The following ENAH variants were observed in gnomAD, a reference collection of about 807,000 sequenced individuals.
ENAH encodes ENAH actin regulator.
A neutral mutation model predicts 78.7 loss-of-function variants in ENAH; 23 were observed. That is an observed-to-expected ratio of 0.29 (90% confidence interval 0.21 to 0.41). The LOEUF (loss-of-function observed/expected upper bound fraction) is 0.41. ENAH is among the 10% of genes least tolerant of loss of function. ENAH has a pLI of 1.00. For synonymous variants in ENAH, 226 were observed against 241.0 expected, an observed-to-expected ratio of 0.94 and a Z score of 0.58; for missense variants, 544 against 691.0, an observed-to-expected ratio of 0.79 and a Z score of 2.39.
intron 3 of ENAH, among the ~76,000 whole-genome samples, chr1:225,552,811 T>C (rs1185764062): frequency 5.3e-5 from 8 of 152,206 alleles, no homozygotes. Flanking sequence ...GCTTGTAAAA[T>C]GATGGCCGAT....
chr1:225,543,035 G>A (rs1048302226), intron 3 of ENAH, among the ~76,000 whole-genome samples: 29 of 149,082 alleles, frequency 1.9e-4, no homozygotes, highest in Admixed American at 1.6e-3. Context: ...AAAAAAAAAA[G>A]TTCTGTACTT....
At position 225,487,279 on chromosome 1, in the gene ENAH, CTT is replaced by C. The variant is rs1032923067; in HGVS notation, c.*10494_*10495del. The C allele has an allele frequency of 1.3e-5, 2 of 152,224 alleles. No homozygotes were observed. The highest frequency in any genetic ancestry group is 4.8e-5 in the African/African-American group (2 of 41,452). The allele number at this position is 152,224 out of a possible 1,614,324, so 9.4% of individuals were successfully genotyped here. On this transcript the variant is annotated 3_prime_UTR_variant, in exon 14 of 14. Coordinates refer to ENST00000366843, the MANE Select transcript of ENAH (RefSeq NM_018212.6). ...CCTTTTTATTTATTCCTATATGAAA[CTT>C]TGGTCCAAAAATCAGGTGCAGTCTG...
At chr1:225,541,654 AT>A (rs1256871874) in intron 3 of ENAH, among the ~76,000 whole-genome samples, 1 of 152,130 alleles carries the variant, frequency 6.6e-6, no homozygotes, top group East Asian at 1.9e-4. Flanking sequence ...AAATATCCCA[AT>A]GCCTACTGCT....
intron 6 of ENAH, chr1:225,515,155 AC>A (rs1025960739): frequency 1.6e-5 from 7 of 429,542 alleles, no homozygotes; most frequent in Admixed American, 4.4e-5. Context: ...TCTAATTAAG[AC>A]TTTTTTTTTT....
At chr1:225,615,029 C>T (rs2097017228) in intron 1 of ENAH, among the ~76,000 whole-genome samples, 2 of 138,822 alleles carry the variant, frequency 1.4e-5, no homozygotes, top group African/African-American at 2.9e-5. Flanking sequence ...CTCTGATGCC[C>T]TCTCCCCGGT....
chr1:225,517,505 G>A, intron 5 of ENAH, 199 bp from the exon 6 acceptor site: 1 of 1,551,726 alleles, frequency 6.4e-7, no homozygotes, highest in Non-Finnish European at 8.7e-7. Context: ...AGCCCATTGG[G>A]TGCTGTCGGT....
chr1:225,628,773 G>GGTGCAT (rs1459762279), intron 1 of ENAH, among the ~76,000 whole-genome samples: 1 of 151,856 alleles, frequency 6.6e-6, no homozygotes, highest in Non-Finnish European at 1.5e-5. Flanking sequence ...CGGGCGTGGT[G>GGTGCAT]GTGCATGCCT....
At chr1:225,585,585 C>T (rs1231810159) in intron 1 of ENAH, among the ~76,000 whole-genome samples, 5 of 151,884 alleles carry the variant, frequency 3.3e-5, no homozygotes, top group East Asian at 3.9e-4. Flanking sequence ...GTCGGGAGTT[C>T]GAGACCAACC....
intron 1 of ENAH, among the ~76,000 whole-genome samples, chr1:225,637,896 C>A (rs1660347659): frequency 6.6e-6 from 1 of 152,096 alleles, no homozygotes; most frequent in Admixed American, 6.5e-5. Context: ...GCATTTCAGC[C>A]TGTGTAACAG....
chr1:225,640,134 T>A (rs2148437286), intron 1 of ENAH, among the ~76,000 whole-genome samples: 1 of 152,310 alleles, frequency 6.6e-6, no homozygotes, highest in African/African-American at 2.4e-5. Flanking sequence ...AAAAGGACTG[T>A]CTTTATGATC....
At chr1:225,531,747 T>G (rs1324831164) in intron 3 of ENAH, among the ~76,000 whole-genome samples, 1 of 152,112 alleles carries the variant, frequency 6.6e-6, no homozygotes, top group African/African-American at 2.4e-5. Flanking sequence ...CAAAGTATTT[T>G]ATACTAGTGG....
intron 3 of ENAH, among the ~76,000 whole-genome samples, chr1:225,543,047 A>C (rs1018799300): frequency 2.6e-5 from 4 of 151,836 alleles, no homozygotes; most frequent in African/African-American, 9.7e-5. Flanking sequence ...TCTGTACTTT[A>C]TTCTAAGATT....
At chr1:225,579,425 T>A (rs2096803632) in intron 1 of ENAH, among the ~76,000 whole-genome samples, 1 of 152,250 alleles carries the variant, frequency 6.6e-6, no homozygotes, top group Non-Finnish European at 1.5e-5. Flanking sequence ...AACAAAAACA[T>A]GTCTAGAATA....
chr1:225,553,338 T>C (rs1016389995), intron 3 of ENAH, among the ~76,000 whole-genome samples: 6 of 152,054 alleles, frequency 3.9e-5, no homozygotes, highest in African/African-American at 7.2e-5. Flanking sequence ...CAAAAGTCAA[T>C]GACAAGAGGA....
At chr1:225,504,876 TAAAG>T in intron 11 of ENAH, 3 of 612,398 alleles carry the variant, frequency 4.9e-6, no homozygotes, top group Non-Finnish European at 8.1e-6. Flanking sequence ...GTATTCAAAA[TAAAG>T]AAAAAAAAAT....
At chr1:225,549,021 T>C (rs1481637408) in intron 3 of ENAH, among the ~76,000 whole-genome samples, 1 of 151,994 alleles carries the variant, frequency 6.6e-6, no homozygotes, top group African/African-American at 2.4e-5. Flanking sequence ...AGCTAATTTT[T>C]GCGTTTTTAG....
intron 13 of ENAH, 53 bp downstream of exon 13, chr1:225,498,294 G>A: frequency 7.1e-7 from 1 of 1,402,078 alleles, no homozygotes. Context: ...TCTTAAAAAT[G>A]GTCAATCTTA....
intron 1 of ENAH, among the ~76,000 whole-genome samples, chr1:225,599,452 G>A (rs12565399): frequency 0.033 from 4,999 of 152,162 alleles, 105 homozygotes; most frequent in East Asian, 0.078. Flanking sequence ...TTCACACTGC[G>A]GAGTAAAGTG....
chr1:225,612,639 T>C (rs892603400), intron 1 of ENAH, among the ~76,000 whole-genome samples: 3 of 152,214 alleles, frequency 2.0e-5, no homozygotes, highest in Admixed American at 6.5e-5. Context: ...AAAATAATAC[T>C]TAATGCTGGC....
Sources: gnomAD v4.1 joint callset for allele counts (sites outside exome capture counted in the v4.1 genomes callset) on GRCh38, gnomAD v4.1.1 for gene constraint, MANE v1.5 for transcripts, NCBI Gene and HGNC (gene_info 2026-07-23, HGNC 2026-07-21) for gene names.